The following HIP1 variants were observed in gnomAD, a reference collection of about 807,000 sequenced individuals.
HIP1 encodes the protein huntingtin interacting protein 1, also known as huntingtin-interacting protein 1.
HIP1 carries 65 observed loss-of-function variants against 147.6 expected under a neutral mutation model. That is an observed-to-expected ratio of 0.44 (90% confidence interval 0.36 to 0.54). The LOEUF (loss-of-function observed/expected upper bound fraction) is 0.54. Among genes scored for constraint, HIP1 ranks in the 20% least tolerant of loss-of-function variants. The pLI is 0.00. For synonymous variants in HIP1, 479 were observed against 504.0 expected, an observed-to-expected ratio of 0.95 and a Z score of 0.67; for missense variants, 1,061 against 1,299.6, an observed-to-expected ratio of 0.82 and a Z score of 2.82.
At chr7:75,639,567 G>GTA (rs1798572953) in intron 1 of HIP1, among the ~76,000 whole-genome samples, 1 of 143,636 alleles carries the variant, frequency 7.0e-6, no homozygotes, top group Non-Finnish European at 1.5e-5. Context: ...GGAAGCGTGT[G>GTA]TGTGTGTGTG....
chr7:75,629,080 C>T (rs1798131290), intron 1 of HIP1, among the ~76,000 whole-genome samples: 1 of 152,092 alleles, frequency 6.6e-6, no homozygotes, highest in Non-Finnish European at 1.5e-5. Flanking sequence ...TCCCAGAATA[C>T]GAGGCTGAAC....
chr7:75,697,046 G>C (rs572160990), intron 1 of HIP1, among the ~76,000 whole-genome samples: 2 of 150,698 alleles, frequency 1.3e-5, no homozygotes, highest in Admixed American at 1.3e-4. Flanking sequence ...TTTTTAAGTC[G>C]ACCTGGAATT....
chr7:75,548,792 C>T, intron 23 of HIP1, 99 bp downstream of exon 23: 1 of 929,104 alleles, frequency 1.1e-6, no homozygotes, highest in Non-Finnish European at 1.8e-6. Context: ...AGGGGGTTGC[C>T]ATGGCCTTAA....
At chr7:75,633,817 G>C (rs782700555) in intron 1 of HIP1, among the ~76,000 whole-genome samples, 6 of 152,056 alleles carry the variant, frequency 3.9e-5, no homozygotes, top group African/African-American at 1.4e-4. Context: ...AGTCTTTTCC[G>C]CTCTGCCATC....
rs187489910 is a variant in HIP1 at position 75,608,200 on chromosome 7, C to T, written c.121-8953G>A. ...GTGGGCACCTGTAATCCCAGCTGCT[C>T]GGAAGGCTGAGGCAGAAAATTGCTT... On this transcript the variant is annotated intron_variant, in intron 1 of 30. Coordinates refer to ENST00000336926, the MANE Select transcript of HIP1 (RefSeq NM_005338.7). Among the ~76,000 whole-genome samples the T allele has an allele frequency of 8.4e-3, 1,280 of 151,884 alleles. 18 individuals carry two copies. The highest frequency in any genetic ancestry group is 0.019 in the African/African-American group (789 of 41,408).
chr7:75,654,712 T>A (rs974088596), intron 1 of HIP1: 1 of 152,224 alleles, frequency 6.6e-6, no homozygotes, highest in African/African-American at 2.4e-5. Context: ...GAAAACAGTT[T>A]GAGGGCGCTT....
chr7:75,672,123 T>C (rs1799745495), intron 1 of HIP1, among the ~76,000 whole-genome samples: 1 of 152,222 alleles, frequency 6.6e-6, no homozygotes, highest in African/African-American at 2.4e-5. Context: ...TAGTGATTAG[T>C]GATAGGCACC....
At position 75,624,440 on chromosome 7, in the gene HIP1, G is replaced by A. The variant is rs142822332; in HGVS notation, c.121-25193C>T. Among the ~76,000 whole-genome samples, 111 of 152,198 alleles carry A rather than the reference G, an allele frequency of 7.3e-4. 1 individual carries two copies. The highest frequency in any genetic ancestry group is 2.6e-3 in the African/African-American group (108 of 41,536). Reference sequence around the variant, plus strand: ...GAGCCCTTCCTTAGGGGAGTGGGGGGAAAAAGAGCTATGAGATTCAGAAGT... The same window carrying A: ...GAGCCCTTCCTTAGGGGAGTGGGGGAAAAAAGAGCTATGAGATTCAGAAGT... On this transcript the variant is annotated intron_variant, in intron 1 of 30. Coordinates refer to ENST00000336926, the MANE Select transcript of HIP1 (RefSeq NM_005338.7).
chr7:75,571,391 C>T (rs868982045), intron 8 of HIP1, among the ~76,000 whole-genome samples: 51 of 152,296 alleles, frequency 3.3e-4, no homozygotes, highest in African/African-American at 1.2e-3. Flanking sequence ...TCTCAGCTCC[C>T]TTCAGGCAGG....
rs1046505185 is a variant in HIP1, at chr7:75,705,108, C to T, written c.120+33693G>A. On this transcript the variant is annotated intron_variant, in intron 1 of 30. Coordinates refer to ENST00000336926, the MANE Select transcript of HIP1 (RefSeq NM_005338.7). Reference sequence around the variant, plus strand: ...ATTCACACTATTGTACAACCATCACCGCTATCCATCGGCAGAACTCTTCCT... The same window carrying T: ...ATTCACACTATTGTACAACCATCACTGCTATCCATCGGCAGAACTCTTCCT... 7.9e-5 allele frequency among the ~76,000 whole-genome samples: 12 copies of T among 152,250 alleles called. No individual in the cohort carries two copies. In the South Asian group the frequency reaches 2.5e-3, roughly 32 times the overall value.
chr7:75,675,632 A>G (rs1424954855), intron 1 of HIP1, among the ~76,000 whole-genome samples: 1 of 151,716 alleles, frequency 6.6e-6, no homozygotes, highest in Non-Finnish European at 1.5e-5. Context: ...CATACTTTTC[A>G]TTCATTTTTT....
rs1377492297 is a variant in HIP1, at chr7:75,535,254, T to C, written c.*2918A>G. 2 of 206,778 alleles carry C rather than the reference T, an allele frequency of 9.7e-6. No homozygotes were observed. Among genetic ancestry groups the C allele is most frequent in the Non-Finnish European group, 2.0e-5 (2 of 101,324 alleles). The allele number at this position is 206,778 out of a possible 1,614,324, so 12.8% of individuals were successfully genotyped here. A position where few individuals can be genotyped will look rare whatever the true frequency, so the allele number is the denominator to read the frequency against. ...ACAGGATCATTCAGATAATTTTTTG[T>C]TTGTTTTTAAAGAGATGGAGTCTCG... On this transcript the variant is annotated 3_prime_UTR_variant, in exon 31 of 31. Transcript: ENST00000336926.
chr7:75,731,232 C>A (rs868965887), intron 1 of HIP1, among the ~76,000 whole-genome samples: 1 of 151,738 alleles, frequency 6.6e-6, no homozygotes, highest in African/African-American at 2.4e-5. Flanking sequence ...CCTGTAATCC[C>A]AGCACTTTGG....
chr7:75,638,747 C>A (rs1326853028), intron 1 of HIP1, among the ~76,000 whole-genome samples: 2 of 152,034 alleles, frequency 1.3e-5, no homozygotes, highest in Admixed American at 6.5e-5. Context: ...CCCTCCCTCC[C>A]GTCCGGCAGG....
Position 75,537,069 on chromosome 7 carries a change from G to A in HIP1, c.*1103C>T. 4.3e-6 allele frequency: 1 copy of A among 232,578 alleles called. No individual in the cohort carries two copies. The highest frequency in any genetic ancestry group is 6.1e-5 in the East Asian group (1 of 16,480). 14.4% of individuals were successfully genotyped at this position (232,578 alleles called of 1,614,324 possible). ...AATCACTCCCACACTCCGTCTCTGG[G>A]CCAAGGGAGACGGCCCGCTTGACAG... On this transcript the variant is annotated 3_prime_UTR_variant, in exon 31 of 31. Transcript: ENST00000336926.
At chr7:75,692,140 C>T (rs879949219) in intron 1 of HIP1, among the ~76,000 whole-genome samples, 4 of 152,164 alleles carry the variant, frequency 2.6e-5, no homozygotes, top group Non-Finnish European at 5.9e-5. Flanking sequence ...CGTTGTCTCC[C>T]CCCGTCCCAA....
Position 75,556,175 on chromosome 7 carries a change from A to C in HIP1, c.1684-6T>G. On this transcript the variant is annotated splice_polypyrimidine_tract_variant and splice_region_variant and intron_variant, in intron 17 of 30. Transcript: ENST00000336926. ...GCTGCCCAGTTTGCTTCTGACTGCAAAGGTGACCACAAGGAAAGAGGGAGA... is the reference window on the plus strand; with the variant it reads ...GCTGCCCAGTTTGCTTCTGACTGCACAGGTGACCACAAGGAAAGAGGGAGA... The C allele has an allele frequency of 6.2e-7, 1 of 1,613,794 alleles. No homozygotes were observed. The highest frequency in any genetic ancestry group is 8.5e-7 in the Non-Finnish European group (1 of 1,179,908).
intron 1 of HIP1, among the ~76,000 whole-genome samples, chr7:75,681,673 A>AT (rs1800076681): frequency 1.3e-5 from 2 of 151,606 alleles, no homozygotes; most frequent in Admixed American, 1.3e-4. Flanking sequence ...CGCATGGCTA[A>AT]TTTTTTATTT....
At chr7:75,545,011 C>G in intron 26 of HIP1, 77 bp downstream of exon 26, 1 of 893,810 alleles carries the variant, frequency 1.1e-6, no homozygotes, top group South Asian at 1.5e-5. Context: ...ATTTTTTTTT[C>G]CCTCCTTAGC....
Sources: allele counts gnomAD v4.1 joint callset (sites outside exome capture counted in the v4.1 genomes callset), GRCh38; gene constraint gnomAD v4.1.1; transcripts MANE v1.5; gene names NCBI Gene and HGNC (gene_info 2026-07-23, HGNC 2026-07-21).